The following TTC28 variants were observed in gnomAD, a reference collection of about 807,000 sequenced individuals.
TTC28 encodes the protein tetratricopeptide repeat protein 28.
In TTC28, 61 loss-of-function variants were observed where a neutral mutation model predicts 198.0. The ratio of observed to expected loss-of-function variants is 0.31; its 90% CI spans 0.25 to 0.38. The LOEUF (loss-of-function observed/expected upper bound fraction) is 0.38, where lower values mean the gene tolerates loss of function less well. TTC28 is among the 10% of genes least tolerant of loss of function. The pLI is 1.00. For missense variants in TTC28, 2,678 were observed against 3,164.0 expected (o/e 0.85, Z 3.69); for synonymous variants, 1,171 against 1,297.8 (o/e 0.90, Z 2.10).
At chr22:28,478,900 T>G (rs2048204361) in intron 2 of TTC28, among the ~76,000 whole-genome samples, 6 of 152,184 alleles carry the variant, frequency 3.9e-5, no homozygotes, top group Admixed American at 3.9e-4. Flanking sequence ...TCACCCTCAT[T>G]TATTGTCTTC....
At position 28,261,454 on chromosome 22, in the gene TTC28, G is replaced by A. The variant is rs571363384; in HGVS notation, c.933+34744C>T. On this transcript the variant is annotated intron_variant, in intron 5 of 22. Coordinates refer to ENST00000397906, the MANE Select transcript of TTC28 (RefSeq NM_001145418.2). ...GAAAGAGAAAAGGAGCTCAAGCTCC[G>A]AAAGGTCTTGTAAGGCCACTCAAAG... Among the ~76,000 whole-genome samples, 43 of 152,202 alleles carry A rather than the reference G, an allele frequency of 2.8e-4. 1 individual carries two copies. Among genetic ancestry groups the A allele is most frequent in the African/African-American group, 7.5e-4 (31 of 41,546 alleles).
chr22:28,289,294 T>A (rs913179162), intron 5 of TTC28, among the ~76,000 whole-genome samples: 2 of 152,164 alleles, frequency 1.3e-5, no homozygotes, highest in Non-Finnish European at 2.9e-5. Flanking sequence ...CAAATCAGAC[T>A]GATAAAAAAT....
At chr22:28,261,029 T>C (rs1358999546) in intron 5 of TTC28, among the ~76,000 whole-genome samples, 1 of 152,130 alleles carries the variant, frequency 6.6e-6, no homozygotes, top group Admixed American at 6.6e-5. Flanking sequence ...ACTCTGTTTG[T>C]GCCTCTGTCC....
At position 27,996,153 on chromosome 22, in the gene TTC28, C is replaced by T. The variant is rs1268588077; in HGVS notation, c.5226G>A (p.Leu1742=). Residue 1742 remains leucine (L), a synonymous_variant, in exon 17 of 23, where the codon CTG becomes CTA. Coordinates refer to ENST00000397906, the MANE Select transcript of TTC28 (RefSeq NM_001145418.2). ...CCCTTACCAGGTGCAGCAGCACTCG[C>T]AGGGCGTCCCGCGCACGCTCCGGGT... is the stretch of plus-strand genomic sequence containing the variant. ...LQHPERARDA[L]RVLLHLVEKS... is the part of the protein sequence containing the mutation. 1.9e-6 allele frequency: 3 copies of T among 1,550,422 alleles called. No individual in the cohort carries two copies. Among genetic ancestry groups the T allele is most frequent in the East Asian group, 4.9e-5 (2 of 40,918 alleles).
chr22:27,985,534 G>C (rs979949069), intron 21 of TTC28, among the ~76,000 whole-genome samples, 178 bp from the exon 22 acceptor site: 1 of 152,164 alleles, frequency 6.6e-6, no homozygotes, highest in African/African-American at 2.4e-5. Context: ...CAGAGGGGTC[G>C]GGCTGCCCCA....
chr22:28,132,556 T>C (rs1475153131), intron 6 of TTC28, among the ~76,000 whole-genome samples: 2 of 152,234 alleles, frequency 1.3e-5, no homozygotes, highest in African/African-American at 4.8e-5. Context: ...CAAAAAACCC[T>C]TTCCAGTTCC....
At chr22:28,263,987 A>T (rs1200014639) in intron 5 of TTC28, among the ~76,000 whole-genome samples, 1 of 152,076 alleles carries the variant, frequency 6.6e-6, no homozygotes, top group Non-Finnish European at 1.5e-5. Flanking sequence ...CTACTCTAAG[A>T]TCTTAGGGAG....
chr22:28,324,368 TC>T (rs758194016), intron 2 of TTC28, among the ~76,000 whole-genome samples: 9 of 150,508 alleles, frequency 6.0e-5, no homozygotes, highest in Non-Finnish European at 1.2e-4. Context: ...AAAGAGGGAC[TC>T]CTCCCTAACT....
intron 14 of TTC28, among the ~76,000 whole-genome samples, chr22:28,010,213 A>G (rs1027040984): frequency 6.6e-6 from 1 of 152,182 alleles, no homozygotes; most frequent in African/African-American, 2.4e-5. Context: ...TGCTGGTGAC[A>G]GTGCTTTTTG....
intron 2 of TTC28, among the ~76,000 whole-genome samples, chr22:28,428,336 A>G (rs759015103): frequency 6.6e-6 from 1 of 152,188 alleles, no homozygotes; most frequent in African/African-American, 2.4e-5. Context: ...AAATGAAGGG[A>G]TAAATAAGTC....
rs1485825238 is a variant in TTC28 at position 28,356,414 on chromosome 22, T to C, written c.382-49771A>G. Among the ~76,000 whole-genome samples, 4 of 152,220 alleles carry C rather than the reference T, an allele frequency of 2.6e-5. No individual in the cohort carries two copies. In the East Asian group the frequency reaches 7.7e-4, roughly 29 times the overall value. ...GCTCTGAAGAGCAGAGCCAGTTATT[T>C]ATTTCATAGGGCAGCCACATAATTT... On this transcript the variant is annotated intron_variant, in intron 2 of 22. Transcript: ENST00000397906.
At chr22:28,402,891 T>A (rs2046939608) in intron 2 of TTC28, among the ~76,000 whole-genome samples, 2 of 152,232 alleles carry the variant, frequency 1.3e-5, no homozygotes, top group Non-Finnish European at 2.9e-5. Flanking sequence ...TAGAAACGAA[T>A]TTCAAAAGTT....
At chr22:28,318,994 T>TA (rs1228739714) in intron 2 of TTC28, among the ~76,000 whole-genome samples, 1 of 151,558 alleles carries the variant, frequency 6.6e-6, no homozygotes, top group South Asian at 2.1e-4. Context: ...AATTTTTAAT[T>TA]AAAAAAAATT....
chr22:28,479,144 T>A (rs2048209096), intron 2 of TTC28, among the ~76,000 whole-genome samples: 2 of 152,158 alleles, frequency 1.3e-5, no homozygotes, highest in Non-Finnish European at 2.9e-5. Flanking sequence ...CAATGTAGAT[T>A]GGTTAAATAC....
chr22:28,228,716 A>G (rs1029236997), intron 5 of TTC28, among the ~76,000 whole-genome samples: 1 of 152,026 alleles, frequency 6.6e-6, no homozygotes, highest in South Asian at 2.1e-4. Context: ...AAACAAAAAC[A>G]AAAAACACAC....
intron 1 of TTC28, among the ~76,000 whole-genome samples, chr22:28,671,504 G>A (rs377735999): frequency 6.6e-6 from 1 of 151,348 alleles, no homozygotes; most frequent in African/African-American, 2.4e-5. Context: ...GCGTGGTGGC[G>A]GGAGCCTGTA....
intron 2 of TTC28, among the ~76,000 whole-genome samples, chr22:28,314,304 T>C (rs1178654268): frequency 1.3e-5 from 2 of 152,176 alleles, no homozygotes; most frequent in Non-Finnish European, 2.9e-5. Flanking sequence ...AATTTATAGA[T>C]TCAATGTTAA....
Position 28,058,118 on chromosome 22 carries a change from A to C in TTC28, c.3933-27752T>G, listed in dbSNP as rs546003397. ...TTTTTTTTTTCCTTAAAGGACAGAT[A>C]ATAAATATTTTAGGCTTACGGGCAA... On this transcript the variant is annotated intron_variant, in intron 12 of 22. Transcript: ENST00000397906. Among the ~76,000 whole-genome samples, 3 of 152,212 alleles carry C rather than the reference A, an allele frequency of 2.0e-5. No individual in the cohort carries two copies. The South Asian group carries it at 6.2e-4, about 32-fold the overall frequency.
chr22:28,086,681 A>G (rs1280114843), intron 12 of TTC28, among the ~76,000 whole-genome samples: 1 of 152,140 alleles, frequency 6.6e-6, no homozygotes, highest in Non-Finnish European at 1.5e-5. Context: ...AACTGAAGGT[A>G]ATAGAGACAC....
Sources: allele counts gnomAD v4.1 joint callset (sites outside exome capture counted in the v4.1 genomes callset), GRCh38; gene constraint gnomAD v4.1.1; transcripts MANE v1.5; gene names NCBI Gene and HGNC (gene_info 2026-07-23, HGNC 2026-07-21).